Variants in CCDC83 observed in about 807,000 individuals in gnomAD.
CCDC83 encodes coiled-coil domain-containing protein 83.
CCDC83 carries 54 observed loss-of-function variants against 50.1 expected under a neutral mutation model. The observed-to-expected ratio is 1.08, with a 90% CI of 0.87 to 1.35. CCDC83 has a LOEUF of 1.35. CCDC83 is among the 40% of genes most tolerant of loss of function. CCDC83 has a pLI of 0.00. For missense variants in CCDC83, 518 were observed against 473.9 expected, an observed-to-expected ratio of 1.09 and a Z score of -0.86; for synonymous variants, 161 against 153.3, an observed-to-expected ratio of 1.05 and a Z score of -0.37.
intron 7 of CCDC83, among the ~76,000 whole-genome samples, chr11:85,900,091 G>A (rs1453484826): frequency 6.6e-6 from 1 of 152,122 alleles, no homozygotes; most frequent in Non-Finnish European, 1.5e-5. Flanking sequence ...AACTACAGAG[G>A]ATGTGCAAAA....
At chr11:85,866,653 CAAAA>C (rs2093208490) in intron 2 of CCDC83, among the ~76,000 whole-genome samples, 3 of 106,686 alleles carry the variant, frequency 2.8e-5, no homozygotes, top group African/African-American at 1.0e-4. Flanking sequence ...GACCCTGTCT[CAAAA>C]AAACAAAACA....
At chr11:85,872,990 AT>A (rs370665181) in intron 2 of CCDC83, among the ~76,000 whole-genome samples, 9 of 150,564 alleles carry the variant, frequency 6.0e-5, no homozygotes, top group Non-Finnish European at 1.2e-4. Flanking sequence ...ATGAACAGGG[AT>A]TTTTTTTTCA....
At chr11:85,881,080 G>T (rs976801916) in intron 3 of CCDC83, among the ~76,000 whole-genome samples, 1 of 152,050 alleles carries the variant, frequency 6.6e-6, no homozygotes, top group South Asian at 2.1e-4. Context: ...AGAAGTTTCA[G>T]ATTTTAGGCT....
At chr11:85,914,955 A>G (rs1260095935) in intron 8 of CCDC83, among the ~76,000 whole-genome samples, 4 of 152,192 alleles carry the variant, frequency 2.6e-5, no homozygotes, top group Non-Finnish European at 4.4e-5. Context: ...CCCCTTATAA[A>G]TTATCAGATC....
chr11:85,872,028 CT>C (rs1272522823), intron 2 of CCDC83, among the ~76,000 whole-genome samples: 5 of 152,288 alleles, frequency 3.3e-5, no homozygotes, highest in Non-Finnish European at 7.4e-5. Context: ...TCTTGGTTTG[CT>C]GCAACCTCCG....
intron 8 of CCDC83, among the ~76,000 whole-genome samples, chr11:85,915,190 C>T (rs1288116371): frequency 6.6e-6 from 1 of 152,186 alleles, no homozygotes; most frequent in East Asian, 1.9e-4. Flanking sequence ...CTTCTTTCTG[C>T]ATCCCATTAT....
chr11:85,886,328 G>T lies in CCDC83; in HGVS notation c.472G>T (p.Asp158Tyr), dbSNP rs189421464. 2.6e-4 allele frequency: 424 copies of T among 1,609,068 alleles called. 4 individuals are homozygous for T. The East Asian group carries it at 9.5e-3, about 36-fold the overall frequency. ...TAAACTCATTACCTCCTTACAAAATGACATCAACACAGTTAAAGAGAATGC... is the reference window on the plus strand; with the variant it reads ...TAAACTCATTACCTCCTTACAAAATTACATCAACACAGTTAAAGAGAATGC... ...HAKLITSLQN[D>Y]INTVKENAEK... Residue 158 changes from aspartate (D) to tyrosine (Y), a missense_variant, in exon 5 of 11, where the codon GAC becomes TAC. Physicochemically the swap from Asp to Tyr is radical, Grantham distance 160 (BLOSUM62 -3). Transcript: ENST00000342404.
intron 5 of CCDC83, among the ~76,000 whole-genome samples, chr11:85,893,672 G>A (rs2093359954): frequency 1.3e-5 from 2 of 152,120 alleles, no homozygotes; most frequent in South Asian, 4.1e-4. Context: ...TCTGAGCTCC[G>A]CCTCCTGTCA....
intron 5 of CCDC83, among the ~76,000 whole-genome samples, chr11:85,888,749 TTTA>T (rs2093338636): frequency 6.6e-6 from 1 of 152,202 alleles, no homozygotes; most frequent in African/African-American, 2.4e-5. Flanking sequence ...GTGATCCAAC[TTTA>T]TTTTTTTACC....
chr11:85,865,327 T>C, intron 2 of CCDC83, 109 bp downstream of exon 2: 2 of 721,792 alleles, frequency 2.8e-6, no homozygotes, highest in East Asian at 2.6e-5. Context: ...GCCAAAAGAA[T>C]AGAGGTGGGT....
chr11:85,870,547 G>T (rs1311583470), intron 2 of CCDC83, among the ~76,000 whole-genome samples: 1 of 151,966 alleles, frequency 6.6e-6, no homozygotes, highest in Admixed American at 6.6e-5. Flanking sequence ...TAAGCTTTAG[G>T]TAAGAAGTCA....
At chr11:85,871,404 A>G (rs2153683261) in intron 2 of CCDC83, among the ~76,000 whole-genome samples, 1 of 152,298 alleles carries the variant, frequency 6.6e-6, no homozygotes, top group Non-Finnish European at 1.5e-5. Flanking sequence ...TTCAAGTTTC[A>G]TAGTATCCAA....
Position 85,886,819 on chromosome 11 carries a change from G to A in CCDC83, c.511+452G>A, listed in dbSNP as rs113216612. ...CCCCAGCTACTTGAGAGGCTGAGGTGGGAGGATCAGTTGAGCCCCGTGGTC... is the reference window on the plus strand; with the variant it reads ...CCCCAGCTACTTGAGAGGCTGAGGTAGGAGGATCAGTTGAGCCCCGTGGTC... On this transcript the variant is annotated intron_variant, in intron 5 of 10. Transcript: ENST00000342404. 1.2e-3 allele frequency among the ~76,000 whole-genome samples: 178 copies of A among 152,306 alleles called. 1 individual carries two copies. The highest frequency in any genetic ancestry group is 4.1e-3 in the African/African-American group (172 of 41,572).
intron 7 of CCDC83, among the ~76,000 whole-genome samples, chr11:85,907,263 T>C (rs999018115): frequency 6.6e-6 from 1 of 152,368 alleles, no homozygotes; most frequent in Middle Eastern, 3.4e-3. Context: ...TTTATAACTA[T>C]TTTCTTTTTT....
chr11:85,870,708 T>C (rs1023802381), intron 2 of CCDC83, among the ~76,000 whole-genome samples: 1 of 152,170 alleles, frequency 6.6e-6, no homozygotes, highest in African/African-American at 2.4e-5. Context: ...CCCTATCTAC[T>C]ATAGTAGTCC....
At position 85,882,209 on chromosome 11, in the gene CCDC83, T is replaced by C. The variant is rs955144265; in HGVS notation, c.181-304T>C. Among the ~76,000 whole-genome samples the C allele has an allele frequency of 2.6e-5, 4 of 152,222 alleles. No individual in the cohort carries two copies. In the East Asian group the frequency reaches 7.7e-4, roughly 29 times the overall value. On this transcript the variant is annotated intron_variant, in intron 3 of 10. Coordinates refer to ENST00000342404, the MANE Select transcript of CCDC83 (RefSeq NM_001286159.2). The stretch of plus-strand genomic sequence containing the variant: ...GGCATCTACATATTGTCATTTTTCA[T>C]TTAGTTTACAATCTTCCTGGTTCTT...
In CCDC83 at chr11:85,881,157, T is replaced by C. The variant is rs546281892; in HGVS notation, c.181-1356T>C. On this transcript the variant is annotated intron_variant, in intron 3 of 10. Transcript: ENST00000342404. ...GCCGCGGCAGATGGATCACCTGAGG[T>C]CAAGAGTTCGAGACCAGCCTGGCCA... Among the ~76,000 whole-genome samples, 50 of 151,926 alleles carry C rather than the reference T, an allele frequency of 3.3e-4. 1 individual carries two copies. Among genetic ancestry groups the C allele is most frequent in the Non-Finnish European group, 4.1e-4 (28 of 67,990 alleles).
At chr11:85,893,463 T>C (rs1297420252) in intron 5 of CCDC83, among the ~76,000 whole-genome samples, 1 of 152,182 alleles carries the variant, frequency 6.6e-6, no homozygotes, top group Admixed American at 6.5e-5. Flanking sequence ...AGGGTTCTGC[T>C]TTGGCTGACT....
chr11:85,918,506 G>C (rs1395704904), intron 10 of CCDC83, among the ~76,000 whole-genome samples: 1 of 152,206 alleles, frequency 6.6e-6, no homozygotes, highest in African/African-American at 2.4e-5. Context: ...CGTGAGCTCT[G>C]TCCACCCAGT....
Sources: allele counts gnomAD v4.1 joint callset (sites outside exome capture counted in the v4.1 genomes callset), GRCh38; gene constraint gnomAD v4.1.1; transcripts MANE v1.5; gene names NCBI Gene and HGNC (gene_info 2026-07-23, HGNC 2026-07-21).